Variants in LINGO2 observed in about 807,000 individuals in gnomAD.
LINGO2 encodes leucine-rich repeat and immunoglobulin-like domain-containing nogo receptor-interacting protein 2.
In LINGO2, 14 loss-of-function variants were observed where a neutral mutation model predicts 30.6. The observed-to-expected ratio is 0.46, with a 90% CI of 0.30 to 0.72. The LOEUF (loss-of-function observed/expected upper bound fraction) is 0.72. Ranked by LOEUF, LINGO2 falls within the 30% of genes least tolerant of loss-of-function variation. The pLI is 0.07. For synonymous variants in LINGO2, 317 were observed against 288.5 expected (o/e 1.10, Z -1.00); for missense variants, 729 against 751.7 (o/e 0.97, Z 0.35).
At chr9:27,970,888 T>C (rs1820321479) in intron 5 of LINGO2, among the ~76,000 whole-genome samples, 1 of 151,264 alleles carries the variant, frequency 6.6e-6, no homozygotes, top group Non-Finnish European at 1.5e-5. Flanking sequence ...TGAATAGCCA[T>C]ATCTGAGAGC....
chr9:29,006,992 C>A, the LINGO2 span, among the ~76,000 whole-genome samples: 1 of 152,090 alleles, frequency 6.6e-6, no homozygotes, highest in African/African-American at 2.4e-5. Context: ...ATCTGCAACT[C>A]TATAGCATCT....
At chr9:28,258,687 C>T (rs1822462437) in intron 4 of LINGO2, among the ~76,000 whole-genome samples, 1 of 151,880 alleles carries the variant, frequency 6.6e-6, no homozygotes, top group Admixed American at 6.6e-5. Context: ...ATCTGAATTC[C>T]ACAGCTCAAT....
the LINGO2 span, among the ~76,000 whole-genome samples, chr9:29,012,982 C>T: frequency 6.6e-6 from 1 of 152,158 alleles, no homozygotes; most frequent in Non-Finnish European, 1.5e-5. Context: ...CTTCTTGCTT[C>T]CCAAAAGTTC....
chr9:28,814,670 G>A, the LINGO2 span, among the ~76,000 whole-genome samples: 4 of 152,078 alleles, frequency 2.6e-5, no homozygotes, highest in Non-Finnish European at 4.4e-5. Context: ...GACGGATCAC[G>A]AGGTCAGGAG....
chr9:28,520,786 C>T (rs1300353747), intron 1 of LINGO2, among the ~76,000 whole-genome samples: 2 of 152,156 alleles, frequency 1.3e-5, no homozygotes, highest in African/African-American at 4.8e-5. Flanking sequence ...TATATTTTTA[C>T]ATTTAGTAAC....
intron 3 of LINGO2, among the ~76,000 whole-genome samples, chr9:28,304,253 TA>T (rs2134221515): frequency 6.6e-6 from 1 of 150,402 alleles, no homozygotes; most frequent in Non-Finnish European, 1.5e-5. Context: ...AAAATGTATA[TA>T]TATATATAAA....
intron 4 of LINGO2, among the ~76,000 whole-genome samples, chr9:28,173,033 TA>T (rs1011559484): frequency 6.6e-5 from 10 of 152,194 alleles, no homozygotes; most frequent in African/African-American, 2.2e-4. Flanking sequence ...ATAACTGTCT[TA>T]AAATTGTGTA....
intron 1 of LINGO2, among the ~76,000 whole-genome samples, chr9:28,495,766 G>A (rs957394614): frequency 1.1e-4 from 16 of 152,212 alleles, no homozygotes; most frequent in Admixed American, 9.8e-4. Context: ...TTCAATTTTA[G>A]ATATTTCCTG....
At chr9:28,574,015 A>G (rs1007622479) in intron 1 of LINGO2, among the ~76,000 whole-genome samples, 1 of 152,190 alleles carries the variant, frequency 6.6e-6, no homozygotes, top group African/African-American at 2.4e-5. Flanking sequence ...TAAACTGGCT[A>G]TCTTCACATT....
At chr9:28,557,806 C>T (rs928793706) in intron 1 of LINGO2, among the ~76,000 whole-genome samples, 1 of 151,678 alleles carries the variant, frequency 6.6e-6, no homozygotes, top group African/African-American at 2.4e-5. Flanking sequence ...CCATGGAATA[C>T]TATGCAGCCA....
intron 4 of LINGO2, among the ~76,000 whole-genome samples, chr9:28,019,354 A>G (rs1251584325): frequency 6.6e-6 from 1 of 150,816 alleles, no homozygotes; most frequent in East Asian, 1.9e-4. Flanking sequence ...ATGGATTAGC[A>G]AACACATAAT....
At chr9:28,724,045 A>G in the LINGO2 span, among the ~76,000 whole-genome samples, 1 of 152,152 alleles carries the variant, frequency 6.6e-6, no homozygotes, top group Non-Finnish European at 1.5e-5. Context: ...ATACAAACAT[A>G]CCATATAAAG....
Position 28,372,849 on chromosome 9 carries a change from TTC to T in LINGO2, c.-261_-260del, listed in dbSNP as rs1209259320. The T allele has an allele frequency of 6.6e-6, 1 of 152,578 alleles. No homozygotes were observed. The allele number at this position is 152,578 out of a possible 1,614,324, so 9.5% of individuals were successfully genotyped here. A position where few individuals can be genotyped will look rare whatever the true frequency, so the allele number is the denominator to read the frequency against. On this transcript the variant is annotated 5_prime_UTR_variant, in exon 3 of 6. It introduces an in-frame stop codon into an upstream open reading frame of the 5' UTR. Coordinates refer to ENST00000379992, the Ensembl canonical transcript of LINGO2. ...AAATGTACCAACCTTGAAAGCTGCA[TTC>T]TGTTTTTCTCACTTCACCTAAAAAA... is the stretch of plus-strand genomic sequence containing the variant.
chr9:28,776,687 AACAG>A, the LINGO2 span, among the ~76,000 whole-genome samples: 2 of 152,166 alleles, frequency 1.3e-5, no homozygotes, highest in Non-Finnish European at 2.9e-5. Flanking sequence ...TGATGAACTA[AACAG>A]ACACTGTCTT....
At chr9:29,062,667 G>C in the LINGO2 span, among the ~76,000 whole-genome samples, 1 of 152,074 alleles carries the variant, frequency 6.6e-6, no homozygotes, top group African/African-American at 2.4e-5. Context: ...AATGGTAATT[G>C]CAGGGAGTAA....
the LINGO2 span, among the ~76,000 whole-genome samples, chr9:29,009,417 A>T: frequency 6.6e-6 from 1 of 152,222 alleles, no homozygotes; most frequent in East Asian, 1.9e-4. Flanking sequence ...TCATGAGTGA[A>T]CTCCCATTCA....
At chr9:28,683,183 C>T in the LINGO2 span, among the ~76,000 whole-genome samples, 1 of 152,092 alleles carries the variant, frequency 6.6e-6, no homozygotes, top group Non-Finnish European at 1.5e-5. Context: ...TCAATGTGCC[C>T]ATACCCTATT....
At chr9:28,700,077 C>A in the LINGO2 span, among the ~76,000 whole-genome samples, 2 of 152,052 alleles carry the variant, frequency 1.3e-5, no homozygotes, top group East Asian at 3.9e-4. Context: ...CCTACTCCTA[C>A]CCTTTTGAAA....
chr9:28,261,148 C>A (rs1487749307), intron 4 of LINGO2, among the ~76,000 whole-genome samples: 1 of 151,868 alleles, frequency 6.6e-6, no homozygotes, highest in Non-Finnish European at 1.5e-5. Flanking sequence ...TTATACAATT[C>A]AATCCCTATA....
Sources: allele counts gnomAD v4.1 joint callset (sites outside exome capture counted in the v4.1 genomes callset), GRCh38; gene constraint gnomAD v4.1.1; transcripts MANE v1.5; gene names NCBI Gene and HGNC (gene_info 2026-07-23, HGNC 2026-07-21).